SEC23IP: variants seen among roughly 807,000 people sequenced by gnomAD.
The protein encoded by SEC23IP is SEC23 interacting protein.
SEC23IP carries 70 observed loss-of-function variants against 113.4 expected under a neutral mutation model. That is an observed-to-expected ratio of 0.62 (90% CI 0.51 to 0.75). The LOEUF (loss-of-function observed/expected upper bound fraction) is 0.75, where lower values mean the gene tolerates loss of function less well. SEC23IP is among the 30% of genes least tolerant of loss of function. The probability of loss-of-function intolerance (pLI) is 0.00; values close to 1 mark genes in which losing one functional copy is unlikely to be tolerated. For synonymous variants in SEC23IP, 398 were observed against 421.0 expected (o/e 0.95, Z 0.67); for missense variants, 1,160 against 1,204.9 (o/e 0.96, Z 0.55).
rs1855945905 is a variant in SEC23IP, at chr10:119,940,930, G to A, written c.*365G>A. On this transcript the variant is annotated 3_prime_UTR_variant, in exon 19 of 19. Transcript: ENST00000369075. Reference sequence around the variant, plus strand: ...AACGGTTATTTCTGTTTCTTAAAAAGTATTGTTAGTGGGCTATTAAACTTG... The same window carrying A: ...AACGGTTATTTCTGTTTCTTAAAAAATATTGTTAGTGGGCTATTAAACTTG... The A allele has an allele frequency of 6.6e-6, 1 of 152,190 alleles. No individual in the cohort carries two copies. The highest frequency in any genetic ancestry group is 2.4e-5 in the African/African-American group (1 of 41,444). The allele number at this position is 152,190 out of a possible 1,614,324, so 9.4% of individuals were successfully genotyped here.
chr10:119,898,823 C>T lies in SEC23IP; in HGVS notation c.560C>T (p.Pro187Leu), dbSNP rs1438483179. 1.2e-6 allele frequency: 2 copies of T among 1,613,934 alleles called. No individual in the cohort carries two copies. Among genetic ancestry groups the T allele is most frequent in the Non-Finnish European group, 1.7e-6 (2 of 1,180,040 alleles). The change falls in exon 2 of 19, where the codon CCT becomes CTT. Residue 187 changes from proline to leucine, a missense_variant. Coordinates refer to ENST00000369075, the MANE Select transcript of SEC23IP (RefSeq NM_007190.4). ...GGATACAATCCATATCGCCATACCC[C>T]TGGCAGCAGCAGGGCTAATCCTTAC... is the stretch of plus-strand genomic sequence containing the variant. ...QPGYNPYRHT[P>L]GSSRANPYIA...
chr10:119,911,826 A>G (rs1356523004), intron 5 of SEC23IP, among the ~76,000 whole-genome samples: 1 of 152,136 alleles, frequency 6.6e-6, no homozygotes, highest in Non-Finnish European at 1.5e-5. Context: ...TAATTGTATA[A>G]TTTTCAACAT....
At chr10:119,924,142 TA>T (rs1224612751) in intron 12 of SEC23IP, among the ~76,000 whole-genome samples, 3 of 152,348 alleles carry the variant, frequency 2.0e-5, no homozygotes, top group African/African-American at 7.2e-5. Context: ...ACAAGCTGGC[TA>T]AGAGTTTTCT....
At chr10:119,935,907 A>C (rs1412976556) in intron 18 of SEC23IP, among the ~76,000 whole-genome samples, 3 of 152,238 alleles carry the variant, frequency 2.0e-5, no homozygotes, top group African/African-American at 7.2e-5. Context: ...GGTGGAGAGA[A>C]GAATCTGGAT....
At chr10:119,921,049 A>G in intron 12 of SEC23IP, 65 bp downstream of exon 12, 3 of 1,189,488 alleles carry the variant, frequency 2.5e-6, no homozygotes, top group Non-Finnish European at 3.7e-6. Context: ...TTTATATTAT[A>G]GAAAATTTTA....
Position 119,933,805 on chromosome 10 carries a change from G to A in SEC23IP, c.*20+18G>A. ...TTTACTGTGTGAGTTTATCCTTATT[G>A]AATGTATAAATTCTGAATGTTTGCA... is the stretch of plus-strand genomic sequence containing the variant. On this transcript the variant is annotated intron_variant, in intron 18 of 18. Coordinates refer to ENST00000369075, the MANE Select transcript of SEC23IP (RefSeq NM_007190.4). The A allele has an allele frequency of 8.6e-7, 1 of 1,163,618 alleles. No individual in the cohort carries two copies. The highest frequency in any genetic ancestry group is 1.3e-5 in the South Asian group (1 of 78,100). 72.1% of individuals were successfully genotyped at this position (1,163,618 alleles called of 1,614,324 possible).
chr10:119,915,621 T>C, intron 7 of SEC23IP, 127 bp from the exon 8 acceptor site: 1 of 698,280 alleles, frequency 1.4e-6, no homozygotes, highest in Non-Finnish European at 2.1e-6. Context: ...TCTCTTATCC[T>C]CATTTTTTTC....
intron 5 of SEC23IP, 104 bp from the exon 6 acceptor site, chr10:119,911,940 C>A: frequency 7.4e-7 from 1 of 1,351,354 alleles, no homozygotes; most frequent in Non-Finnish European, 1.0e-6. Context: ...AATTTATAAA[C>A]TCTCCGTACT....
intron 2 of SEC23IP, among the ~76,000 whole-genome samples, chr10:119,902,109 C>T (rs1057484690): frequency 2.0e-5 from 3 of 152,186 alleles, no homozygotes; most frequent in African/African-American, 7.2e-5. Flanking sequence ...GTAATCCCAA[C>T]ACTTTGAGAG....
At chr10:119,925,509 T>A (rs1160711202) in intron 12 of SEC23IP, among the ~76,000 whole-genome samples, 1 of 152,202 alleles carries the variant, frequency 6.6e-6, no homozygotes, top group Non-Finnish European at 1.5e-5. Context: ...ATATTTAGTA[T>A]GCATTTCTAA....
chr10:119,902,155 G>A (rs1003847188), intron 2 of SEC23IP, among the ~76,000 whole-genome samples: 22 of 152,102 alleles, frequency 1.4e-4, no homozygotes, highest in African/African-American at 5.3e-4. Context: ...TTGGGAGTTC[G>A]CAACCAGCCT....
chr10:119,901,247 TCCTC>T (rs1272941013), intron 2 of SEC23IP, among the ~76,000 whole-genome samples: 2 of 151,982 alleles, frequency 1.3e-5, no homozygotes, highest in African/African-American at 4.8e-5. Context: ...CCTCAAATGA[TCCTC>T]CTTCCTTGGC....
intron 15 of SEC23IP, 31 bp downstream of exon 15, chr10:119,930,462 T>C (rs765861486): frequency 6.7e-5 from 87 of 1,298,802 alleles, no homozygotes; most frequent in Non-Finnish European, 9.2e-5. Context: ...AAACTTTTTT[T>C]CCTGTCATTT....
chr10:119,922,915 A>G (rs574956366), intron 12 of SEC23IP, among the ~76,000 whole-genome samples: 49 of 152,044 alleles, frequency 3.2e-4, no homozygotes, highest in Admixed American at 2.3e-3. Context: ...GGACACAAGC[A>G]TGTCAGTGTT....
intron 4 of SEC23IP, among the ~76,000 whole-genome samples, chr10:119,905,334 T>C (rs963101003): frequency 2.6e-5 from 4 of 152,222 alleles, no homozygotes; most frequent in South Asian, 2.1e-4. Context: ...TGTTTAGTTT[T>C]ACTATTTTGA....
Position 119,895,443 on chromosome 10 carries a change from G to A in SEC23IP, c.163+2498G>A, listed in dbSNP as rs540704208. Among the ~76,000 whole-genome samples, 13 of 152,312 alleles carry A rather than the reference G, an allele frequency of 8.5e-5. No individual in the cohort carries two copies. In the East Asian group the frequency reaches 1.9e-3, roughly 23 times the overall value. On this transcript the variant is annotated intron_variant, in intron 1 of 18. Coordinates refer to ENST00000369075, the MANE Select transcript of SEC23IP (RefSeq NM_007190.4). The stretch of plus-strand genomic sequence containing the variant: ...CCAGGCACTGTTCCAGAACCTGGGA[G>A]ACACAGAAGAGCAGACAGCCCTGCC...
At chr10:119,938,491 G>A (rs1855867281) in intron 18 of SEC23IP, among the ~76,000 whole-genome samples, 1 of 152,096 alleles carries the variant, frequency 6.6e-6, no homozygotes, top group South Asian at 2.1e-4. Context: ...GTTCTCCTTT[G>A]AGACTCCCTT....
chr10:119,938,126 T>TAAA (rs71019734), intron 18 of SEC23IP, among the ~76,000 whole-genome samples: 1 of 138,716 alleles, frequency 7.2e-6, no homozygotes, highest in Non-Finnish European at 1.6e-5. Flanking sequence ...CCTCGTCTCT[T>TAAA]AAAAAAAAAA....
chr10:119,904,106 G>A lies in SEC23IP; in HGVS notation c.930G>A (p.Val310=), dbSNP rs764877744. 2 of 1,614,096 alleles carry A rather than the reference G, an allele frequency of 1.2e-6. No individual in the cohort carries two copies. The highest frequency in any genetic ancestry group is 2.7e-5 in the African/African-American group (2 of 74,942). The change falls in exon 4 of 19, where the codon GTG becomes GTA. Residue 310 remains valine (V), a synonymous_variant. Transcript: ENST00000369075. The part of the protein sequence containing the change: ...YNSVQPDPES[V]VLGTDGGRYD... ...TAGTTCAGCCAGATCCGGAGAGCGT[G>A]GTTCTTGGCACGGATGGAGGGCGCT...
Sources: gnomAD v4.1 joint callset for allele counts (sites outside exome capture counted in the v4.1 genomes callset) on GRCh38, gnomAD v4.1.1 for gene constraint, MANE v1.5 for transcripts, NCBI Gene and HGNC (gene_info 2026-07-23, HGNC 2026-07-21) for gene names.